The following CFDP1 variants were observed in gnomAD, a reference collection of about 807,000 sequenced individuals.
CFDP1 encodes chromatin remodeling protein CFDP1.
A neutral mutation model predicts 40.1 loss-of-function variants in CFDP1; 31 were observed. That is an observed-to-expected ratio of 0.77 (90% CI 0.58 to 1.04). CFDP1 has a LOEUF of 1.04. CFDP1 is among the 50% of genes least tolerant of loss of function. The pLI is 0.00. For missense variants in CFDP1, 423 were observed against 343.4 expected, an observed-to-expected ratio of 1.23 and a Z score of -1.83; for synonymous variants, 167 against 120.0, an observed-to-expected ratio of 1.39 and a Z score of -2.56.
chr16:75,421,077 G>T (rs185630731), intron 1 of CFDP1, among the ~76,000 whole-genome samples: 1 of 152,112 alleles, frequency 6.6e-6, no homozygotes, highest in African/African-American at 2.4e-5. Context: ...AGAATCTCCG[G>T]CCAGCCAGCA....
At chr16:75,343,140 A>T (rs2078538056) in intron 5 of CFDP1, among the ~76,000 whole-genome samples, 1 of 152,170 alleles carries the variant, frequency 6.6e-6, no homozygotes, top group Non-Finnish European at 1.5e-5. Flanking sequence ...GAAGACAGAG[A>T]CTTGCTTTGT....
intron 1 of CFDP1, among the ~76,000 whole-genome samples, chr16:75,431,765 G>A (rs902106203): frequency 2.6e-5 from 4 of 152,176 alleles, no homozygotes; most frequent in African/African-American, 9.6e-5. Flanking sequence ...AGGGGAAGGA[G>A]GTCAGGGGCT....
At chr16:75,315,811 T>A (rs139299894) in intron 5 of CFDP1, among the ~76,000 whole-genome samples, 1 of 152,182 alleles carries the variant, frequency 6.6e-6, no homozygotes, top group Non-Finnish European at 1.5e-5. Flanking sequence ...AACATTGATA[T>A]AATGACACAA....
At chr16:75,368,113 A>G (rs543195410) in intron 5 of CFDP1, among the ~76,000 whole-genome samples, 7 of 152,334 alleles carry the variant, frequency 4.6e-5, no homozygotes, top group African/African-American at 1.7e-4. Context: ...TAAAACAAAA[A>G]GATTTAACGG....
intron 4 of CFDP1, among the ~76,000 whole-genome samples, chr16:75,398,307 G>C (rs546155528): frequency 5.3e-5 from 8 of 152,192 alleles, no homozygotes; most frequent in Non-Finnish European, 1.2e-4. Flanking sequence ...ATGCTATAGA[G>C]AACCCTATAG....
At chr16:75,314,796 GGCTGGAGT>G (rs1451210887) in intron 5 of CFDP1, among the ~76,000 whole-genome samples, 1 of 152,124 alleles carries the variant, frequency 6.6e-6, no homozygotes, top group East Asian at 1.9e-4. Context: ...CTGTCACCCA[GGCTGGAGT>G]GCAGTGGCGC....
At chr16:75,407,836 G>A (rs1258562326) in intron 4 of CFDP1, among the ~76,000 whole-genome samples, 2 of 151,952 alleles carry the variant, frequency 1.3e-5, no homozygotes, top group East Asian at 3.9e-4. Context: ...GGCAGGGTGC[G>A]GTGGCTCACA....
intron 5 of CFDP1, among the ~76,000 whole-genome samples, chr16:75,366,514 T>G (rs1008121646): frequency 4.6e-5 from 7 of 151,746 alleles, no homozygotes; most frequent in African/African-American, 1.7e-4. Flanking sequence ...TCCCAGCTAC[T>G]GGGGAGGCTG....
intron 6 of CFDP1, among the ~76,000 whole-genome samples, chr16:75,302,976 G>C (rs1226804309): frequency 6.6e-6 from 1 of 152,202 alleles, no homozygotes; most frequent in Non-Finnish European, 1.5e-5. Flanking sequence ...CGGGTGGGCA[G>C]ATCACCCGAG....
At position 75,312,776 on chromosome 16, in the gene CFDP1, T is replaced by C. The variant is rs150726350; in HGVS notation, c.651-7594A>G. ...AAGAAATTTTAGCTGACTTTGGTGCTATTTAAATGAAGAGCTCTTCCTATA... is the reference window on the plus strand; with the variant it reads ...AAGAAATTTTAGCTGACTTTGGTGCCATTTAAATGAAGAGCTCTTCCTATA... On this transcript the variant is annotated intron_variant, in intron 5 of 6. Transcript: ENST00000283882. Among the ~76,000 whole-genome samples the C allele has an allele frequency of 4.3e-4, 65 of 152,298 alleles. 1 individual carries two copies. In the East Asian group the frequency reaches 0.011, roughly 26 times the overall value.
At chr16:75,325,331 A>G (rs1215386153) in intron 5 of CFDP1, among the ~76,000 whole-genome samples, 1 of 152,172 alleles carries the variant, frequency 6.6e-6, no homozygotes, top group Non-Finnish European at 1.5e-5. Flanking sequence ...GCCTTGCCTC[A>G]AGCTATTCCT....
chr16:75,426,258 G>A (rs1482665774), intron 1 of CFDP1, among the ~76,000 whole-genome samples: 1 of 151,846 alleles, frequency 6.6e-6, no homozygotes, highest in Non-Finnish European at 1.5e-5. Context: ...GCTGAGGCAG[G>A]AGAATCCCTT....
intron 5 of CFDP1, among the ~76,000 whole-genome samples, chr16:75,361,862 T>C (rs1442261325): frequency 1.3e-5 from 2 of 152,154 alleles, no homozygotes; most frequent in Non-Finnish European, 2.9e-5. Context: ...TTCCTTGTAT[T>C]TGTTTTCAGA....
At position 75,412,101 on chromosome 16, in the gene CFDP1, C is replaced by A. The variant is rs147510872; in HGVS notation, c.403-149G>T. ...CACAATCTTGGCTCACTGCAACCTC[C>A]CCACCTCCCAGGTTAAAGCGATTCT... On this transcript the variant is annotated intron_variant, in intron 3 of 6. Transcript: ENST00000283882. 1,140 of 791,504 alleles carry A rather than the reference C, an allele frequency of 1.4e-3. 5 individuals are homozygous for A. Among genetic ancestry groups the A allele is most frequent in the Non-Finnish European group, 2.0e-3 (1,037 of 526,652 alleles). The allele number at this position is 791,504 out of a possible 1,614,324, so 49.0% of individuals were successfully genotyped here.
chr16:75,405,960 G>T lies in CFDP1; in HGVS notation c.530+5865C>A, dbSNP rs1222276103. On this transcript the variant is annotated intron_variant, in intron 4 of 6. Transcript: ENST00000283882. ...AAAGAAAAAAAAAATTTATGTAGAT[G>T]GTCAGACATGGTGGCTCACACCTGT... Among the ~76,000 whole-genome samples the T allele has an allele frequency of 2.0e-5, 3 of 151,544 alleles. No individual in the cohort carries two copies. In the East Asian group the frequency reaches 5.8e-4, roughly 30 times the overall value.
intron 5 of CFDP1, among the ~76,000 whole-genome samples, chr16:75,319,414 G>GTGAT (rs1264221151): frequency 6.6e-6 from 1 of 152,186 alleles, no homozygotes; most frequent in Non-Finnish European, 1.5e-5. Flanking sequence ...GGACACAGCT[G>GTGAT]TGATCCTTGA....
intron 5 of CFDP1, among the ~76,000 whole-genome samples, chr16:75,367,840 C>T (rs1310119650): frequency 6.6e-6 from 1 of 150,860 alleles, no homozygotes; most frequent in African/African-American, 2.4e-5. Context: ...TATGGTGGCT[C>T]ACGCCTGTAA....
At chr16:75,350,807 G>A (rs371194540) in intron 5 of CFDP1, among the ~76,000 whole-genome samples, 5 of 152,098 alleles carry the variant, frequency 3.3e-5, no homozygotes, top group South Asian at 4.1e-4. Context: ...ATTGTATATG[G>A]TCTATTACCG....
chr16:75,343,871 G>T (rs1038198992), intron 5 of CFDP1, among the ~76,000 whole-genome samples: 1 of 152,126 alleles, frequency 6.6e-6, no homozygotes, highest in African/African-American at 2.4e-5. Flanking sequence ...GAGTAGACGG[G>T]GCAATACATA....
Sources: gnomAD v4.1 joint callset for allele counts (sites outside exome capture counted in the v4.1 genomes callset) on GRCh38, gnomAD v4.1.1 for gene constraint, MANE v1.5 for transcripts, NCBI Gene and HGNC (gene_info 2026-07-23, HGNC 2026-07-21) for gene names.